The following FAT3 variants were observed in gnomAD, a reference collection of about 807,000 sequenced individuals.
FAT3 encodes the protein protocadherin Fat 3.
Under a neutral mutation model 310.2 loss-of-function variants are expected in FAT3, and 95 were observed. The observed-to-expected ratio is 0.31, with a 90% CI of 0.26 to 0.36. The LOEUF (loss-of-function observed/expected upper bound fraction) is 0.36, where lower values mean the gene tolerates loss of function less well. Among genes scored for constraint, FAT3 ranks in the 10% least tolerant of loss-of-function variants. The pLI is 1.00. For synonymous variants in FAT3, 2,314 were observed against 2,192.9 expected (o/e 1.06, Z -1.54); for missense variants, 5,408 against 5,715.6 (o/e 0.95, Z 1.74).
intron 3 of FAT3, among the ~76,000 whole-genome samples, chr11:92,605,081 A>C (rs494316): frequency 0.57 from 87,358 of 151,986 alleles, 26,851 homozygotes; most frequent in African/African-American, 0.8. Flanking sequence ...TTCCCCAGTA[A>C]CTGCACCATC....
At chr11:92,846,919 A>G (rs886325104) in intron 19 of FAT3, among the ~76,000 whole-genome samples, 1 of 152,224 alleles carries the variant, frequency 6.6e-6, no homozygotes, top group African/African-American at 2.4e-5. Context: ...TCCAAAGGTC[A>G]TCTAGCCCAG....
intron 1 of FAT3, among the ~76,000 whole-genome samples, chr11:92,243,356 C>T (rs186617287): frequency 4.6e-5 from 7 of 151,810 alleles, no homozygotes; most frequent in Non-Finnish European, 8.8e-5. Context: ...GTGCAGGCGT[C>T]GGTGAATTAT....
intron 13 of FAT3, among the ~76,000 whole-genome samples, chr11:92,820,023 A>G (rs1195658063): frequency 1.3e-5 from 2 of 152,152 alleles, no homozygotes; most frequent in South Asian, 2.1e-4. Context: ...ACTCACATCT[A>G]ATGAACAGGA....
chr11:92,308,206 T>C (rs1947189867), intron 1 of FAT3, among the ~76,000 whole-genome samples: 1 of 152,160 alleles, frequency 6.6e-6, no homozygotes, highest in South Asian at 2.1e-4. Context: ...TTTATTGCCA[T>C]CTCTTTCTTT....
intron 23 of FAT3, 37 bp from the exon 24 acceptor site, chr11:92,882,701 G>A (rs2136407038): frequency 1.3e-6 from 2 of 1,562,076 alleles, no homozygotes; most frequent in Non-Finnish European, 1.7e-6. Flanking sequence ...GTGTGCACTG[G>A]TCCTGACGGT....
chr11:92,400,018 A>G (rs1337118956), intron 2 of FAT3, among the ~76,000 whole-genome samples: 1 of 152,148 alleles, frequency 6.6e-6, no homozygotes, highest in African/African-American at 2.4e-5. Context: ...TTATTGAGGC[A>G]CAGACTATTG....
chr11:92,870,340 T>G (rs997278281), intron 22 of FAT3, among the ~76,000 whole-genome samples: 1 of 152,178 alleles, frequency 6.6e-6, no homozygotes, highest in Non-Finnish European at 1.5e-5. Context: ...GCATTATAAC[T>G]CTTGCTGTCC....
chr11:92,846,547 C>A (rs970006235), intron 19 of FAT3, among the ~76,000 whole-genome samples: 7 of 152,114 alleles, frequency 4.6e-5, no homozygotes, highest in African/African-American at 1.7e-4. Flanking sequence ...GAGCAGGGAG[C>A]AGACTGAATA....
chr11:92,427,212 A>AAG (rs1411371291), intron 2 of FAT3, among the ~76,000 whole-genome samples: 1 of 152,192 alleles, frequency 6.6e-6, no homozygotes, highest in African/African-American at 2.4e-5. Flanking sequence ...TGATTTTTAC[A>AAG]CATTGATTTT....
rs2136352866 is a variant in FAT3, at chr11:92,867,174, A to G, written c.12092A>G (p.Gln4031Arg). 6.3e-7 allele frequency: 1 copy of G among 1,591,616 alleles called. No individual in the cohort carries two copies. Among genetic ancestry groups the G allele is most frequent in the African/African-American group, 1.3e-5 (1 of 74,810 alleles). ...GACGCCTGCAAGCGCAGCCCGTGCC[A>G]GCACGGGGGCAGCTGCACTGGCCTG... ...YPDACKRSPC[Q>R]HGGSCTGLPS... The change falls in exon 22 of 28, where the codon CAG becomes CGG. Residue 4031 changes from glutamine (Q) to arginine (R), a missense_variant. Coordinates refer to ENST00000525166, the MANE Select transcript of FAT3 (RefSeq NM_001367949.2).
chr11:92,744,032 G>T (rs1288813058), intron 4 of FAT3, among the ~76,000 whole-genome samples: 6 of 152,108 alleles, frequency 3.9e-5, no homozygotes. Context: ...CCAGGTTCAG[G>T]TATTATGTTG....
At chr11:92,225,444 C>G (rs1204624210) in intron 1 of FAT3, among the ~76,000 whole-genome samples, 1 of 152,126 alleles carries the variant, frequency 6.6e-6, no homozygotes, top group Non-Finnish European at 1.5e-5. Context: ...GAGAGTTGGC[C>G]AAGTTTGGGG....
intron 2 of FAT3, among the ~76,000 whole-genome samples, chr11:92,495,033 G>T (rs1297068669): frequency 6.6e-6 from 1 of 152,060 alleles, no homozygotes; most frequent in East Asian, 1.9e-4. Context: ...ATTTGCAATA[G>T]AAAGAAAATC....
At chr11:92,465,062 A>G (rs1951727385) in intron 2 of FAT3, among the ~76,000 whole-genome samples, 2 of 152,154 alleles carry the variant, frequency 1.3e-5, no homozygotes, top group African/African-American at 4.8e-5. Context: ...ATGGGGGAGA[A>G]AAAGCATTTA....
At chr11:92,533,686 AG>A (rs1480427059) in intron 3 of FAT3, among the ~76,000 whole-genome samples, 8 of 152,200 alleles carry the variant, frequency 5.3e-5, no homozygotes, top group Non-Finnish European at 1.2e-4. Context: ...TCCCCAACGC[AG>A]GGGCAGCTCA....
At chr11:92,557,163 C>G (rs1200465817) in intron 3 of FAT3, among the ~76,000 whole-genome samples, 6 of 152,014 alleles carry the variant, frequency 3.9e-5, no homozygotes, top group Admixed American at 3.9e-4. Flanking sequence ...TCACCTTCTG[C>G]AGAATAACTT....
intron 2 of FAT3, among the ~76,000 whole-genome samples, chr11:92,390,199 G>C (rs1337832894): frequency 6.6e-6 from 1 of 152,060 alleles, no homozygotes; most frequent in African/African-American, 2.4e-5. Context: ...TTAGGAAAAA[G>C]ACTAAAGGAA....
intron 3 of FAT3, among the ~76,000 whole-genome samples, chr11:92,585,649 C>G (rs1331209081): frequency 2.0e-5 from 3 of 151,992 alleles, no homozygotes; most frequent in South Asian, 4.1e-4. Flanking sequence ...GATGGAGAAG[C>G]AGGAGCACAG....
At chr11:92,348,395 A>T (rs1433915905) in intron 1 of FAT3, among the ~76,000 whole-genome samples, 2 of 152,248 alleles carry the variant, frequency 1.3e-5, no homozygotes, top group Non-Finnish European at 2.9e-5. Flanking sequence ...AAAAGCACCA[A>T]TTTTTGAATA....
Sources: gnomAD v4.1 joint callset for allele counts (sites outside exome capture counted in the v4.1 genomes callset) on GRCh38, gnomAD v4.1.1 for gene constraint, MANE v1.5 for transcripts, NCBI Gene and HGNC (gene_info 2026-07-23, HGNC 2026-07-21) for gene names.